The following ENPP7 variants were observed in gnomAD, a reference collection of about 807,000 sequenced individuals.
The protein encoded by ENPP7 is ectonucleotide pyrophosphatase/phosphodiesterase 7.
A neutral mutation model predicts 33.6 loss-of-function variants in ENPP7; 39 were observed. The observed-to-expected ratio is 1.16, with a 90% confidence interval of 0.90 to 1.52. ENPP7 has a LOEUF of 1.52. Ranked by LOEUF, ENPP7 falls within the 40% of genes most tolerant of loss-of-function variation. The pLI is 0.00. For synonymous variants in ENPP7, 244 were observed against 274.3 expected, an observed-to-expected ratio of 0.89 and a Z score of 1.09; for missense variants, 594 against 641.0, an observed-to-expected ratio of 0.93 and a Z score of 0.79.
intron 2 of ENPP7, among the ~76,000 whole-genome samples, chr17:79,734,534 G>T (rs1465367304): frequency 2.0e-5 from 3 of 149,784 alleles, no homozygotes; most frequent in Non-Finnish European, 4.4e-5. Context: ...CTGGAGTGCA[G>T]TGGCGCCATC....
rs376648534 is a variant in ENPP7, at chr17:79,731,343, C to G, written c.204C>G (p.Thr68=). 59 of 1,613,406 alleles carry G rather than the reference C, an allele frequency of 3.7e-5. 1 individual carries two copies. In the South Asian group the frequency reaches 6.4e-4, roughly 17 times the overall value. The change falls in exon 1 of 6, where the codon ACC becomes ACG. Residue 68 remains threonine (T), a synonymous_variant. Transcript: ENST00000328313. Reference sequence around the variant, plus strand: ...ACGGGGTGAAGGCACGCTACATGACCCCCGCCTTTGTCACCATGACCAGCC... The same window carrying G: ...ACGGGGTGAAGGCACGCTACATGACGCCCGCCTTTGTCACCATGACCAGCC... ...ARDGVKARYM[T]PAFVTMTSPC...
At position 79,735,658 on chromosome 17, in the gene ENPP7, G is replaced by C. The variant is rs753162030; in HGVS notation, c.1015G>C (p.Val339Leu). 1 of 1,606,762 alleles carries C rather than the reference G, an allele frequency of 6.2e-7. No homozygotes were observed. The highest frequency in any genetic ancestry group is 1.7e-5 in the Admixed American group (1 of 59,870). Residue 339 changes from valine (V) to leucine (L), a missense_variant, in exon 3 of 6, where the codon GTC becomes CTC. By Grantham distance (32) the Val-to-Leu change is conservative. Around this residue, in one of 3 missense-constraint regions of ENPP7, gnomAD observed 504 missense variants for 512.8 expected, o/e 0.98. Transcript: ENST00000328313. This position sits in a 1 kb window ranked among gnomAD's most constrained non-coding sequence, Gnocchi z 5.5. ...GCTGATGTACAGCGACCTTGGCTAC[G>C]TCATCCATGGGGTGAGTCGCCTGCT... ...PLLMYSDLGY[V>L]IHGRINVQFN... is the part of the protein sequence containing the mutation.
Position 79,735,437 on chromosome 17 carries a change from T to C in ENPP7, c.794T>C (p.Phe265Ser). 6.2e-7 allele frequency: 1 copy of C among 1,613,852 alleles called. No individual in the cohort carries two copies. Among genetic ancestry groups the C allele is most frequent in the Non-Finnish European group, 8.5e-7 (1 of 1,179,984 alleles). The change falls in exon 3 of 6, where the codon TTC (phenylalanine) becomes TCC (serine). Residue 265 changes from phenylalanine to serine, a missense_variant. Coordinates refer to ENST00000328313, the MANE Select transcript of ENPP7 (RefSeq NM_178543.5). The surrounding 1 kb of genome is among the most constrained non-coding windows in gnomAD (Gnocchi z 5.5). ...GGCGACCTGGTTGAATTCCACAAGTTCCCCAACTTCACCTTCCGGGACATC... is the reference window on the plus strand; with the variant it reads ...GGCGACCTGGTTGAATTCCACAAGTCCCCCAACTTCACCTTCCGGGACATC... ...RAGDLVEFHK[F>S]PNFTFRDIEF...
intron 2 of ENPP7, 84 bp from the exon 3 acceptor site, chr17:79,734,959 C>T (rs2094292368): frequency 2.1e-6 from 3 of 1,432,900 alleles, no homozygotes; most frequent in East Asian, 4.7e-5. Context: ...GAAGTAGGCA[C>T]GTGGGGGACA....
chr17:79,736,349 T>C (rs1181629959), intron 3 of ENPP7, among the ~76,000 whole-genome samples: 1 of 152,216 alleles, frequency 6.6e-6, no homozygotes, highest in African/African-American at 2.4e-5. Context: ...TCTCCTTCCA[T>C]CTCCATAGAG....
chr17:79,735,953 A>G lies in ENPP7; in HGVS notation c.1026+284A>G, dbSNP rs2094294962. Among the ~76,000 whole-genome samples, 1 of 152,136 alleles carries G rather than the reference A, an allele frequency of 6.6e-6. No individual in the cohort carries two copies. The highest frequency in any genetic ancestry group is 2.1e-4 in the South Asian group (1 of 4,836). ...AGACAGAGTTTCACTCTTGTCATCC[A>G]GGCTGGAGGGTAATGGTGCCATCTT... is the stretch of plus-strand genomic sequence containing the variant. On this transcript the variant is annotated intron_variant, in intron 3 of 5. Transcript: ENST00000328313. This position sits in a 1 kb window ranked among gnomAD's most constrained non-coding sequence, Gnocchi z 5.5.
rs1905561690 is a variant in ENPP7, at chr17:79,741,989, GAGCCGGTCCCA to G, written c.*213_*223del. On this transcript the variant is annotated 3_prime_UTR_variant, in exon 6 of 6. Transcript: ENST00000328313. ...GCAGCCCAGGTCCAGAGCCCCCGGC[GAGCCGGTCCCA>G]TAACCGGCCCCCTGCCCCTGCCCCT... The G allele has an allele frequency of 2.0e-6, 2 of 983,466 alleles. No homozygotes were observed. The highest frequency in any genetic ancestry group is 3.5e-5 in the African/African-American group (2 of 57,174). 60.9% of individuals were successfully genotyped at this position (983,466 alleles called of 1,614,324 possible).
rs368691532 is a variant in ENPP7, at chr17:79,737,564, ATCCCCACTCCCCAC to A, written c.1246+312_1246+325del. Reference sequence around the variant, plus strand: ...GCAGAGCCCACCTCCTGGCTGCTGGATCCCCACTCCCCACTCCCCACCACAGCAACCTGAGGGCC... The same window carrying A: ...GCAGAGCCCACCTCCTGGCTGCTGGATCCCCACCACAGCAACCTGAGGGCC... On this transcript the variant is annotated intron_variant, in intron 4 of 5. Transcript: ENST00000328313. This position sits in a 1 kb window ranked among gnomAD's most constrained non-coding sequence, Gnocchi z 5.5. 1.9e-3 allele frequency among the ~76,000 whole-genome samples: 285 copies of A among 152,054 alleles called. No individual in the cohort carries two copies. Among genetic ancestry groups the A allele is most frequent in the Non-Finnish European group, 3.5e-3 (239 of 67,966 alleles).
Position 79,735,700 on chromosome 17 carries a change from G to A in ENPP7, c.1026+31G>A. On this transcript the variant is annotated intron_variant, in intron 3 of 5. Transcript: ENST00000328313. This position sits in a 1 kb window ranked among gnomAD's most constrained non-coding sequence, Gnocchi z 5.5. ...TCGCCTGCTGGAGGCACCACCTCCA[G>A]GGGCTCCCTCCCCAGGCTCTGGGTC... 1 of 1,575,974 alleles carries A rather than the reference G, an allele frequency of 6.3e-7. No individual in the cohort carries two copies. Among genetic ancestry groups the A allele is most frequent in the Non-Finnish European group, 8.6e-7 (1 of 1,161,094 alleles).
chr17:79,737,292 C>T lies in ENPP7; in HGVS notation c.1246+32C>T, dbSNP rs540543195. The T allele has an allele frequency of 1.1e-4, 164 of 1,539,162 alleles. 2 individuals are homozygous for T. The South Asian group carries it at 1.7e-3, about 16-fold the overall frequency. ...GCAGGGTGCCCCAAATCCCCGCCTG[C>T]TCTGGTGTGTACACGTGTGCACACG... On this transcript the variant is annotated intron_variant, in intron 4 of 5. Coordinates refer to ENST00000328313, the MANE Select transcript of ENPP7 (RefSeq NM_178543.5). This position sits in a 1 kb window ranked among gnomAD's most constrained non-coding sequence, Gnocchi z 5.5.
chr17:79,733,750 C>T, intron 2 of ENPP7, 97 bp downstream of exon 2: 4 of 1,321,594 alleles, frequency 3.0e-6, no homozygotes, highest in Non-Finnish European at 4.1e-6. Flanking sequence ...CAGGTCCCTT[C>T]CCCACTCCAG....
Position 79,739,137 on chromosome 17 carries a change from AG to A in ENPP7, c.*16+1076del, listed in dbSNP as rs1185553548. Reference sequence around the variant, plus strand: ...AAACCAGAATGACAGACACACCAGAAGAAGCCAGACACACCAGGCAGGGGAA... The same window carrying A: ...AAACCAGAATGACAGACACACCAGAAAAGCCAGACACACCAGGCAGGGGAA... On this transcript the variant is annotated intron_variant, in intron 5 of 5. Coordinates refer to ENST00000328313, the MANE Select transcript of ENPP7 (RefSeq NM_178543.5). This position sits in a 1 kb window ranked among gnomAD's most constrained non-coding sequence, Gnocchi z 4.4. 2 of 152,640 alleles carry A rather than the reference AG, an allele frequency of 1.3e-5. No individual in the cohort carries two copies. Among genetic ancestry groups the A allele is most frequent in the African/African-American group, 4.8e-5 (2 of 41,474 alleles). 9.5% of individuals were successfully genotyped at this position (152,640 alleles called of 1,614,324 possible).
chr17:79,736,542 T>TAC (rs879996444), intron 3 of ENPP7, among the ~76,000 whole-genome samples: 15,432 of 87,834 alleles, frequency 0.18, 845 homozygotes, highest in African/African-American at 0.25. Context: ...TAGGCGTGTG[T>TAC]GTGTGTGTGT....
chr17:79,732,151 C>CACATGTATATATATATATAT (rs2094287743), intron 1 of ENPP7, among the ~76,000 whole-genome samples: 1 of 25,894 alleles, frequency 3.9e-5, no homozygotes, highest in South Asian at 1.0e-3. Context: ...TATATATATA[C>CACATGTATATATATATATAT]ACACACATAT....
chr17:79,732,139 TATATATATATAC>T (rs2094287437), intron 1 of ENPP7, among the ~76,000 whole-genome samples: 1 of 53,598 alleles, frequency 1.9e-5, no homozygotes, highest in African/African-American at 1.0e-4. Context: ...TATGTATATA[TATATATATATAC>T]ACACACATAT....
rs1555822475 is a variant in ENPP7 at position 79,731,346 on chromosome 17, C to CG, written c.208dup (p.Ala70GlyfsTer100). The CG allele has an allele frequency of 6.2e-7, 1 of 1,613,124 alleles. No homozygotes were observed. Among genetic ancestry groups the CG allele is most frequent in the East Asian group, 2.2e-5 (1 of 44,866 alleles). On this transcript the variant is annotated frameshift_variant, in exon 1 of 6. Coordinates refer to ENST00000328313, the MANE Select transcript of ENPP7 (RefSeq NM_178543.5). LOFTEE classifies it high-confidence loss of function. ...GGGTGAAGGCACGCTACATGACCCC[C>CG]GCCTTTGTCACCATGACCAGCCCCT...
rs1200188101 is a variant in ENPP7, at chr17:79,737,802, T to G, written c.1247-114T>G. ...AAAGGCCATGGGACCAAGGGGGCGG[T>G]GAAAGAGGAAGGAGGGGCTCGTGGG... On this transcript the variant is annotated intron_variant, in intron 4 of 5. Coordinates refer to ENST00000328313, the MANE Select transcript of ENPP7 (RefSeq NM_178543.5). This position sits in a 1 kb window ranked among gnomAD's most constrained non-coding sequence, Gnocchi z 5.5. 3.4e-6 allele frequency: 4 copies of G among 1,173,390 alleles called. No homozygotes were observed. Among genetic ancestry groups the G allele is most frequent in the Non-Finnish European group, 2.5e-6 (2 of 808,720 alleles). The allele number at this position is 1,173,390 out of a possible 1,614,324, so 72.7% of individuals were successfully genotyped here. A position where few individuals can be genotyped will look rare whatever the true frequency, so the allele number is the denominator to read the frequency against.
At chr17:79,740,860 TC>T (rs1161200198) in intron 5 of ENPP7, among the ~76,000 whole-genome samples, 1 of 152,222 alleles carries the variant, frequency 6.6e-6, no homozygotes, top group Admixed American at 6.5e-5. Context: ...CGCAGAATCA[TC>T]TTTCACAAGC....
At chr17:79,734,888 G>A (rs2094292281) in intron 2 of ENPP7, among the ~76,000 whole-genome samples, 155 bp from the exon 3 acceptor site, 1 of 152,196 alleles carries the variant, frequency 6.6e-6, no homozygotes, top group South Asian at 2.1e-4. Flanking sequence ...GATCAGGGAT[G>A]TTTTAGAAAT....
Sources: allele counts gnomAD v4.1 joint callset (sites outside exome capture counted in the v4.1 genomes callset), GRCh38; gene constraint gnomAD v4.1.1; regional missense constraint gnomAD v4.1.1; non-coding constraint Gnocchi (gnomAD v3.1); transcripts MANE v1.5; gene names NCBI Gene and HGNC (gene_info 2026-07-23, HGNC 2026-07-21).